NBPF9: variants seen among roughly 807,000 people sequenced by gnomAD.
The protein encoded by NBPF9 is NBPF member 9.
Under a neutral mutation model 97.8 loss-of-function variants are expected in NBPF9, and 91 were observed. The observed-to-expected ratio is 0.93, with a 90% CI of 0.79 to 1.11. The LOEUF (loss-of-function observed/expected upper bound fraction) is 1.11. NBPF9 is among the 50% of genes least tolerant of loss of function. The pLI, the probability that NBPF9 is intolerant of heterozygous loss-of-function variation, is 0.00. For missense variants in NBPF9, 992 were observed against 939.5 expected (o/e 1.06, Z -0.73); for synonymous variants, 334 against 359.5 (o/e 0.93, Z 0.80).
In NBPF9 at chr1:149,073,126, G is replaced by C. The variant is rs1214882186; in HGVS notation, c.1092-194C>G. On this transcript the variant is annotated intron_variant, in intron 13 of 29. Transcript: ENST00000584027. ...ACAGGCTTCCTCTGTATCAGAGAGG[G>C]CTCCTGCAAGATCCTCGATGATGTT... 3.7e-4 allele frequency among the ~76,000 whole-genome samples: 55 copies of C among 149,064 alleles called. 1 individual carries two copies. The highest frequency in any genetic ancestry group is 7.0e-4 in the Non-Finnish European group (47 of 66,798).
At chr1:149,062,742 G>C (rs3871944) in intron 21 of NBPF9, 120 bp downstream of exon 21, 2 of 767,044 alleles carry the variant, frequency 2.6e-6, no homozygotes, top group African/African-American at 1.7e-5. Context: ...AACAGCAATG[G>C]CAGTAGGAGT....
intron 4 of NBPF9, among the ~76,000 whole-genome samples, chr1:149,092,968 C>G (rs1452030372): frequency 2.6e-5 from 4 of 151,938 alleles, no homozygotes; most frequent in African/African-American, 9.7e-5. Context: ...AGACAAAGTA[C>G]AGAGAAAGAA....
chr1:149,082,196 A>C, intron 6 of NBPF9, 22 bp from the exon 7 acceptor site: 1 of 1,601,554 alleles, frequency 6.2e-7, no homozygotes, highest in Admixed American at 1.7e-5. Context: ...AAACCCAAAC[A>C]TATGATGGGT....
intron 4 of NBPF9, among the ~76,000 whole-genome samples, chr1:149,095,351 A>G (rs376236680): frequency 0.056 from 8,005 of 142,708 alleles, 517 homozygotes; most frequent in East Asian, 0.45. Flanking sequence ...GTGCAAAACC[A>G]TAAGAATCCT....
chr1:149,083,124 G>C (rs1778119), intron 5 of NBPF9, among the ~76,000 whole-genome samples: 2 of 125,080 alleles, frequency 1.6e-5, no homozygotes, highest in African/African-American at 3.1e-5. Context: ...TCTTTACTCA[G>C]GTGGGTATAT....
At chr1:149,101,464 T>G (rs1429318445) in intron 2 of NBPF9, 85 bp from the exon 3 acceptor site, 1 of 151,008 alleles carries the variant, frequency 6.6e-6, no homozygotes, top group African/African-American at 2.4e-5. Context: ...AAGCTACAGA[T>G]TGAAAAAAGG....
intron 13 of NBPF9, among the ~76,000 whole-genome samples, chr1:149,073,532 A>G (rs1435854351): frequency 6.8e-6 from 1 of 147,266 alleles, no homozygotes; most frequent in African/African-American, 2.5e-5. Context: ...TGTAAATTTC[A>G]CATCAACAAT....
At chr1:149,079,105 G>A in exon 9 of NBPF9, 1 of 1,288,746 alleles carries the variant, frequency 7.8e-7, no homozygotes, top group South Asian at 1.2e-5. Flanking sequence ...CTCATCCGGA[G>A]TGAGGAGGGC....
intron 17 of NBPF9, among the ~76,000 whole-genome samples, chr1:149,069,112 C>T (rs1326185705): frequency 1.3e-5 from 2 of 152,040 alleles, no homozygotes; most frequent in African/African-American, 4.8e-5. Flanking sequence ...CTCTGGGACA[C>T]ATTTAAAGCA....
intron 23 of NBPF9, chr1:149,061,011 C>G: frequency 2.4e-6 from 1 of 416,492 alleles, no homozygotes. Flanking sequence ...AGTTAGTGCC[C>G]TCAGGACACA....
In NBPF9 at chr1:149,074,198, C is replaced by T. The variant is rs1295864976; in HGVS notation, c.989-328G>A. Among the ~76,000 whole-genome samples, 40 of 151,600 alleles carry T rather than the reference C, an allele frequency of 2.6e-4. 1 individual carries two copies. The highest frequency in any genetic ancestry group is 5.3e-4 in the Non-Finnish European group (36 of 67,740). ...ACTTTCCCAAGCTTTGCAGCCTCTC[C>T]TCTAAAACACTGCACTGGGGCATGA... On this transcript the variant is annotated intron_variant, in intron 12 of 29. Coordinates refer to ENST00000584027, the Ensembl canonical transcript of NBPF9.
At chr1:149,088,781 G>A (rs2081213635) in intron 5 of NBPF9, among the ~76,000 whole-genome samples, 1 of 152,070 alleles carries the variant, frequency 6.6e-6, no homozygotes, top group Non-Finnish European at 1.5e-5. Context: ...CACTTTGGGA[G>A]GCTGAGGCAG....
chr1:149,084,519 C>T (rs1372016144), intron 5 of NBPF9, among the ~76,000 whole-genome samples: 1 of 147,764 alleles, frequency 6.8e-6, no homozygotes, highest in Admixed American at 6.7e-5. Context: ...GCACCTGCAT[C>T]GAGCTCTCCG....
At chr1:149,071,537 G>C in intron 15 of NBPF9, 67 bp downstream of exon 15, 1 of 936,854 alleles carries the variant, frequency 1.1e-6, no homozygotes, top group Non-Finnish European at 1.7e-6. Flanking sequence ...ATGCCAGAGA[G>C]GGTGTGCCTC....
chr1:149,055,296 T>C (rs1575818247), exon 30 of NBPF9: 1 of 418,254 alleles, frequency 2.4e-6, no homozygotes, highest in Non-Finnish European at 4.4e-6. Context: ...TTGGATGAGC[T>C]AAACACAAAG....
At chr1:149,064,035 C>CACACAA (rs1357284871) in intron 19 of NBPF9, among the ~76,000 whole-genome samples, 20,854 of 132,386 alleles carry the variant, frequency 0.16, 2,731 homozygotes, top group Non-Finnish European at 0.2. Context: ...CACACACACA[C>CACACAA]ACAGAGCGAG....
chr1:149,087,332 TACACACAC>T (rs1199735548), intron 5 of NBPF9, among the ~76,000 whole-genome samples: 1 of 147,030 alleles, frequency 6.8e-6, no homozygotes, highest in Non-Finnish European at 1.5e-5. Context: ...TATATATATA[TACACACAC>T]ACACACACAC....
downstream of NBPF9, among the ~76,000 whole-genome samples, chr1:149,052,330 A>T (rs2077960863): frequency 3.3e-5 from 5 of 152,128 alleles, no homozygotes; most frequent in South Asian, 1.0e-3. Context: ...AACAGTGGAA[A>T]TCACCAATAT....
chr1:149,081,321 T>C (rs878977470), intron 7 of NBPF9, among the ~76,000 whole-genome samples: 248 of 152,094 alleles, frequency 1.6e-3, no homozygotes, highest in East Asian at 6.6e-3. Context: ...GGTTTCTCCA[T>C]GTTGCCCAGG....
Sources: gnomAD v4.1 joint callset for allele counts (sites outside exome capture counted in the v4.1 genomes callset) on GRCh38, gnomAD v4.1.1 for gene constraint, MANE v1.5 for transcripts, NCBI Gene and HGNC (gene_info 2026-07-23, HGNC 2026-07-21) for gene names.